Variants in GSE1 observed in about 807,000 individuals in gnomAD.
GSE1 encodes genetic suppressor element 1.
GSE1 carries 32 observed loss-of-function variants against 112.6 expected under a neutral mutation model. The ratio of observed to expected loss-of-function variants is 0.28; its 90% CI spans 0.21 to 0.38. GSE1 has a LOEUF of 0.38. Ranked by LOEUF, GSE1 falls within the 10% of genes least tolerant of loss-of-function variation. The pLI is 1.00. For missense variants in GSE1, 2,348 were observed against 1,699.2 expected, an observed-to-expected ratio of 1.38 and a Z score of -6.71; for synonymous variants, 1,115 against 735.6, an observed-to-expected ratio of 1.52 and a Z score of -8.35.
At chr16:85,610,854 C>G (rs1161138323), upstream of GSE1, among the ~76,000 whole-genome samples, 1 of 152,208 alleles carries the variant, frequency 6.6e-6, no homozygotes, top group African/African-American at 2.4e-5. Flanking sequence ...GAAACGGGAC[C>G]AGACCACCCA....
chr16:85,602,278 C>A (rs1291872467), intron 1 of GSE1, among the ~76,000 whole-genome samples: 2 of 152,146 alleles, frequency 1.3e-5, no homozygotes, highest in African/African-American at 2.4e-5. Context: ...GCGGGAGCAG[C>A]GTGTGGACTG....
At chr16:85,228,667 AT>A (rs2075531120) in intron 1 of GSE1, among the ~76,000 whole-genome samples, 1 of 152,184 alleles carries the variant, frequency 6.6e-6, no homozygotes, top group Non-Finnish European at 1.5e-5. Flanking sequence ...CCCCACGAGA[AT>A]GGCATGAATT....
At chr16:85,235,315 TC>T (rs2143870434) in intron 1 of GSE1, among the ~76,000 whole-genome samples, 1 of 151,348 alleles carries the variant, frequency 6.6e-6, no homozygotes, top group African/African-American at 2.4e-5. Flanking sequence ...GGGTGACGGC[TC>T]CCCAGGCGAA....
At chr16:85,236,392 C>G (rs1904665630) in intron 1 of GSE1, among the ~76,000 whole-genome samples, 1 of 152,250 alleles carries the variant, frequency 6.6e-6, no homozygotes, top group African/African-American at 2.4e-5. Flanking sequence ...ATGGCCCTGG[C>G]TGGGTCTGGG....
At chr16:85,459,892 C>G (rs1315412131) in intron 2 of GSE1, among the ~76,000 whole-genome samples, 1 of 152,244 alleles carries the variant, frequency 6.6e-6, no homozygotes, top group African/African-American at 2.4e-5. Context: ...AGCGATTCCC[C>G]CAGCTCACGC....
At chr16:85,522,634 T>A (rs377619339) in intron 2 of GSE1, among the ~76,000 whole-genome samples, 1 of 152,226 alleles carries the variant, frequency 6.6e-6, no homozygotes, top group East Asian at 1.9e-4. Context: ...CGGTGACATC[T>A]CTTGCCCCAG....
At position 85,360,727 on chromosome 16, in the gene GSE1, C is replaced by G. The variant is rs570194887; in HGVS notation, c.2464+3084C>G. Among the ~76,000 whole-genome samples, 3 of 152,018 alleles carry G rather than the reference C, an allele frequency of 2.0e-5. No homozygotes were observed. The South Asian group carries it at 6.2e-4, about 32-fold the overall frequency. ...GCAAACACACAGACGAAAGCAGGCA[C>G]TCGGAGACACAGCTCACAGACATGG... On this transcript the variant is annotated intron_variant, in intron 2 of 2. Coordinates refer to the GSE1 transcript ENST00000637419.
intron 2 of GSE1, among the ~76,000 whole-genome samples, chr16:85,550,678 C>G (rs2044875962): frequency 6.6e-6 from 1 of 152,214 alleles, no homozygotes; most frequent in African/African-American, 2.4e-5. Context: ...AGCCTGCAGC[C>G]TCAGTTTTCC....
At chr16:85,367,803 A>G (rs1013711999) in intron 2 of GSE1, among the ~76,000 whole-genome samples, 5 of 151,216 alleles carry the variant, frequency 3.3e-5, no homozygotes. Context: ...TTGCTGGGAG[A>G]CATGACCAGG....
intron 1 of GSE1, among the ~76,000 whole-genome samples, chr16:85,626,565 G>C (rs1209305501): frequency 6.6e-6 from 1 of 152,254 alleles, no homozygotes; most frequent in African/African-American, 2.4e-5. Flanking sequence ...GGGCCTGAAA[G>C]TGAAGGCCTG....
Position 85,293,301 on chromosome 16 carries a change from T to G in GSE1, c.2284-64162T>G, listed in dbSNP as rs983055656. ...TGGCTCACACCTATAATCCCAGCCCTCTGGGAGGCCGAGGCGGGTGCATCA... is the reference window on the plus strand; with the variant it reads ...TGGCTCACACCTATAATCCCAGCCCGCTGGGAGGCCGAGGCGGGTGCATCA... On this transcript the variant is annotated intron_variant, in intron 1 of 2. Transcript: ENST00000637419. Among the ~76,000 whole-genome samples the G allele has an allele frequency of 2.0e-5, 3 of 152,076 alleles. No homozygotes were observed. The South Asian group carries it at 6.2e-4, about 32-fold the overall frequency.
At chr16:85,394,699 T>C (rs1020525805) in intron 2 of GSE1, among the ~76,000 whole-genome samples, 1 of 152,066 alleles carries the variant, frequency 6.6e-6, no homozygotes, top group African/African-American at 2.4e-5. Context: ...TTAGCTCATT[T>C]GTCTTAGTTG....
intron 1 of GSE1, among the ~76,000 whole-genome samples, chr16:85,633,640 T>C (rs1385605955): frequency 6.6e-6 from 1 of 152,168 alleles, no homozygotes; most frequent in Non-Finnish European, 1.5e-5. Context: ...TGGACTGCCC[T>C]GGAGAGGTAG....
chr16:85,295,280 C>T (rs2045335281), intron 1 of GSE1, among the ~76,000 whole-genome samples: 1 of 152,194 alleles, frequency 6.6e-6, no homozygotes, highest in Non-Finnish European at 1.5e-5. Context: ...TCCTGCAGTA[C>T]AAGCTCTTTT....
intron 1 of GSE1, among the ~76,000 whole-genome samples, chr16:85,235,572 TGG>T (rs1177575689): frequency 8.5e-4 from 18 of 21,130 alleles, no homozygotes; most frequent in African/African-American, 3.1e-3. Flanking sequence ...TGTGTGTGTG[TGG>T]GTGGGGGGGG....
chr16:85,542,081 A>G (rs1233287284), intron 2 of GSE1, among the ~76,000 whole-genome samples: 2 of 150,188 alleles, frequency 1.3e-5, no homozygotes, highest in African/African-American at 4.9e-5. Flanking sequence ...GCCCTGCCCC[A>G]CCCCCACCCC....
intron 1 of GSE1, among the ~76,000 whole-genome samples, chr16:85,211,292 G>A (rs1175570511): frequency 6.6e-6 from 1 of 151,728 alleles, no homozygotes; most frequent in Non-Finnish European, 1.5e-5. Context: ...TCAGCTTCAG[G>A]CTTGTGGTTT....
At chr16:85,280,721 G>T (rs1258630484) in intron 1 of GSE1, among the ~76,000 whole-genome samples, 1 of 152,186 alleles carries the variant, frequency 6.6e-6, no homozygotes, top group African/African-American at 2.4e-5. Context: ...TTTGGGGATT[G>T]CCCCCACACC....
At chr16:85,391,385 A>T (rs955732964) in intron 2 of GSE1, among the ~76,000 whole-genome samples, 3 of 152,228 alleles carry the variant, frequency 2.0e-5, no homozygotes, top group Non-Finnish European at 4.4e-5. Flanking sequence ...AAGTACCACA[A>T]ACTGGGGAGC....
Sources: gnomAD v4.1 joint callset for allele counts (sites outside exome capture counted in the v4.1 genomes callset) on GRCh38, gnomAD v4.1.1 for gene constraint, MANE v1.5 for transcripts, NCBI Gene and HGNC (gene_info 2026-07-23, HGNC 2026-07-21) for gene names.